AGBL3: variants seen among roughly 807,000 people sequenced by gnomAD.
AGBL3 encodes cytosolic carboxypeptidase 3.
Under a neutral mutation model 94.5 loss-of-function variants are expected in AGBL3, and 68 were observed. The observed-to-expected ratio is 0.72, with a 90% CI of 0.59 to 0.88. The LOEUF is 0.88. Ranked by LOEUF, AGBL3 falls within the 40% of genes least tolerant of loss-of-function variation. AGBL3 has a pLI of 0.00. For synonymous variants in AGBL3, 354 were observed against 370.7 expected (o/e 0.95, Z 0.52); for missense variants, 934 against 1,103.8 (o/e 0.85, Z 2.18).
chr7:135,046,275 C>T (rs1356441894), intron 11 of AGBL3, among the ~76,000 whole-genome samples: 1 of 152,000 alleles, frequency 6.6e-6, no homozygotes, highest in Non-Finnish European at 1.5e-5. Context: ...CCTATATATC[C>T]CCTACCAGAG....
Position 135,076,465 on chromosome 7 carries a change from A to G in AGBL3, c.1977A>G (p.Gln659=). ...TIASHQNARG[Q]EVYDRGHLLQ... is the part of the protein sequence containing the mutation. ...CAAGCCACCAAAATGCCAGAGGACA[A>G]GAGGTAAATCTTCATTAATCTAGTT... is the stretch of plus-strand genomic sequence containing the variant. The change falls in exon 13 of 17, where the codon CAA becomes CAG. Residue 659 remains glutamine, a synonymous_variant. Transcript: ENST00000436302. The G allele has an allele frequency of 1.3e-6, 2 of 1,544,674 alleles. No homozygotes were observed. Among genetic ancestry groups the G allele is most frequent in the East Asian group, 2.5e-5 (1 of 40,768 alleles).
Position 135,017,109 on chromosome 7 carries a change from C to A in AGBL3, c.368C>A (p.Pro123His), listed in dbSNP as rs547174560. 9.7e-6 allele frequency: 15 copies of A among 1,551,114 alleles called. No individual in the cohort carries two copies. Among genetic ancestry groups the A allele is most frequent in the Middle Eastern group, 1.7e-4 (1 of 6,016 alleles). ...VYIPTGLETEPLYPDSKEATV... is the reference protein window; with the variant it reads ...VYIPTGLETEHLYPDSKEATV... ...ATCCCAACGGGCTTAGAAACGGAAC[C>A]CCTTTATCCAGACTCCAAGGAAGCT... Residue 123 changes from proline to histidine, a missense_variant, in exon 5 of 17, where the codon CCC (proline) becomes CAC (histidine). Coordinates refer to ENST00000436302, the MANE Select transcript of AGBL3 (RefSeq NM_178563.4).
intron 15 of AGBL3, among the ~76,000 whole-genome samples, chr7:135,091,525 T>C (rs1343321735): frequency 3.3e-5 from 5 of 152,238 alleles, no homozygotes; most frequent in Non-Finnish European, 7.3e-5. Flanking sequence ...AGGTCAAGTG[T>C]AATTGTTTAT....
In AGBL3 at chr7:135,067,917, C is replaced by A. The variant is rs113490947; in HGVS notation, c.1909-8480C>A. Among the ~76,000 whole-genome samples, 1,061 of 152,194 alleles carry A rather than the reference C, an allele frequency of 7.0e-3. 8 individuals carry two copies. The highest frequency in any genetic ancestry group is 0.024 in the African/African-American group (1,015 of 41,526). On this transcript the variant is annotated intron_variant, in intron 12 of 16. Transcript: ENST00000436302. ...TGACTGACGAGTTGAGAGAAGAAGG[C>A]TTCAGACAATCAAACTACTCCAAGC...
intron 4 of AGBL3, chr7:135,012,431 C>T (rs1813274800): frequency 6.6e-6 from 1 of 152,008 alleles, no homozygotes; most frequent in Admixed American, 6.6e-5. Context: ...GTGGTGTTTG[C>T]TTTGTGATAA....
chr7:135,016,542 A>T (rs961255687), intron 4 of AGBL3, among the ~76,000 whole-genome samples: 5 of 152,164 alleles, frequency 3.3e-5, no homozygotes, highest in African/African-American at 1.2e-4. Context: ...GATGATGTTT[A>T]AGAAATTTGA....
chr7:135,045,715 G>A (rs1817292858), intron 10 of AGBL3, 84 bp from the exon 11 acceptor site: 4 of 1,320,328 alleles, frequency 3.0e-6, no homozygotes, highest in East Asian at 5.0e-5. Context: ...AGTAACAATT[G>A]TTCCAGGTGT....
At chr7:135,044,545 TAA>T (rs1226534774) in intron 9 of AGBL3, among the ~76,000 whole-genome samples, 1 of 152,160 alleles carries the variant, frequency 6.6e-6, no homozygotes, top group African/African-American at 2.4e-5. Flanking sequence ...GAACAAAAAT[TAA>T]AAGTGTGCTT....
chr7:135,081,800 A>G lies in AGBL3; in HGVS notation c.2110+10A>G. On this transcript the variant is annotated intron_variant, in intron 15 of 16. Coordinates refer to ENST00000436302, the MANE Select transcript of AGBL3 (RefSeq NM_178563.4). ...CCTAATCAAGGTTTGGGTGAGTAAA[A>G]TAGGAACACAGACAGTAATGAGTGG... 2 of 1,508,994 alleles carry G rather than the reference A, an allele frequency of 1.3e-6. No individual in the cohort carries two copies. Among genetic ancestry groups the G allele is most frequent in the Non-Finnish European group, 1.8e-6 (2 of 1,112,778 alleles). 93.5% of individuals were successfully genotyped at this position (1,508,994 alleles called of 1,614,324 possible).
At chr7:134,993,205 AAGT>A (rs886309187) in intron 3 of AGBL3, among the ~76,000 whole-genome samples, 6 of 152,248 alleles carry the variant, frequency 3.9e-5, no homozygotes, top group African/African-American at 1.2e-4. Context: ...AGAAGAGTCA[AAGT>A]AGATGATTTG....
chr7:135,045,326 G>T, intron 9 of AGBL3, 148 bp from the exon 10 acceptor site: 1 of 633,516 alleles, frequency 1.6e-6, no homozygotes, highest in South Asian at 2.0e-5. Flanking sequence ...AAAGCAATGA[G>T]ATGTTAAATG....
At chr7:134,989,908 G>A (rs1810011871) in intron 3 of AGBL3, among the ~76,000 whole-genome samples, 1 of 151,420 alleles carries the variant, frequency 6.6e-6, no homozygotes, top group South Asian at 2.1e-4. Flanking sequence ...AGTTTGGTGT[G>A]TATCATTCTA....
intron 11 of AGBL3, among the ~76,000 whole-genome samples, chr7:135,053,562 G>A (rs1447336096): frequency 6.6e-6 from 1 of 152,108 alleles, no homozygotes; most frequent in Admixed American, 6.6e-5. Flanking sequence ...AGCTGAGATC[G>A]TGCCATTGCA....
At chr7:135,074,851 T>C (rs939521090) in intron 12 of AGBL3, among the ~76,000 whole-genome samples, 1 of 152,122 alleles carries the variant, frequency 6.6e-6, no homozygotes, top group African/African-American at 2.4e-5. Flanking sequence ...TTTCAAAAAC[T>C]AAATGAATCC....
At chr7:135,045,393 G>A (rs1817261667) in intron 9 of AGBL3, 81 bp from the exon 10 acceptor site, 5 of 1,109,818 alleles carry the variant, frequency 4.5e-6, no homozygotes, top group Non-Finnish European at 6.7e-6. Context: ...TCAATGTTTT[G>A]TTTATAGTGT....
intron 15 of AGBL3, among the ~76,000 whole-genome samples, chr7:135,096,768 AAAGAAAG>A (rs1368633981): frequency 2.2e-4 from 34 of 151,424 alleles, no homozygotes; most frequent in African/African-American, 7.5e-4. Flanking sequence ...AGAAAGAAAG[AAAGAAAG>A]AAAGAAAGAA....
intron 11 of AGBL3, among the ~76,000 whole-genome samples, chr7:135,054,506 A>C (rs943223865): frequency 6.6e-6 from 1 of 152,224 alleles, no homozygotes; most frequent in African/African-American, 2.4e-5. Context: ...TACCACTAGG[A>C]CAAACAATAT....
chr7:135,092,005 T>G (rs1426385326), intron 15 of AGBL3, among the ~76,000 whole-genome samples: 4 of 152,244 alleles, frequency 2.6e-5, no homozygotes, highest in Non-Finnish European at 5.9e-5. Flanking sequence ...GATGTAGTCT[T>G]AACTGAGAAG....
At chr7:135,130,033 T>C (rs1828508479) in intron 16 of AGBL3, among the ~76,000 whole-genome samples, 1 of 152,204 alleles carries the variant, frequency 6.6e-6, no homozygotes. Context: ...GAGTTAAACT[T>C]ACAGACCCTT....
Sources: allele counts gnomAD v4.1 joint callset (sites outside exome capture counted in the v4.1 genomes callset), GRCh38; gene constraint gnomAD v4.1.1; transcripts MANE v1.5; gene names NCBI Gene and HGNC (gene_info 2026-07-23, HGNC 2026-07-21).